Variants in SPATA31H1 observed in about 807,000 individuals in gnomAD.
SPATA31H1 encodes the protein SPATA31 subfamily H member 1.
chr2:27,556,794 G>C, the SPATA31H1 span, among the ~76,000 whole-genome samples: 2 of 124,844 alleles, frequency 1.6e-5, no homozygotes, highest in Non-Finnish European at 3.3e-5. Flanking sequence ...GTGGAGGGAA[G>C]GTCAGCAGAT....
chr2:27,540,690 AC>A, the SPATA31H1 span, among the ~76,000 whole-genome samples: 2 of 134,662 alleles, frequency 1.5e-5, no homozygotes, highest in East Asian at 4.7e-4. Context: ...CCGGGCAGAG[AC>A]GCTCCTCACC....
At chr2:27,558,858 C>T in the SPATA31H1 span, among the ~76,000 whole-genome samples, 1 of 106,334 alleles carries the variant, frequency 9.4e-6, no homozygotes, top group African/African-American at 3.6e-5. Flanking sequence ...GCAGTACCGT[C>T]CAGCCTTGGC....
At chr2:27,539,933 C>A in the SPATA31H1 span, among the ~76,000 whole-genome samples, 1 of 124,254 alleles carries the variant, frequency 8.0e-6, no homozygotes, top group East Asian at 3.1e-4. Flanking sequence ...CCCCCCACCT[C>A]CCTCCCGGAC....
chr2:27,558,917 G>GGGAGGA, the SPATA31H1 span, among the ~76,000 whole-genome samples: 1 of 66,474 alleles, frequency 1.5e-5, no homozygotes, highest in Admixed American at 2.3e-4. Context: ...GAGAGGGAGA[G>GGGAGGA]GGAGGGGGAG....
the SPATA31H1 span, chr2:27,579,094 A>G: frequency 6.2e-7 from 1 of 1,614,218 alleles, no homozygotes; most frequent in Non-Finnish European, 8.5e-7. Context: ...CTTCAGAGAC[A>G]TCTACCACAA....
At chr2:27,577,180 T>A in the SPATA31H1 span, 2 of 1,613,954 alleles carry the variant, frequency 1.2e-6, no homozygotes, top group East Asian at 4.5e-5. The surrounding 1 kb of genome is among the most constrained non-coding windows in gnomAD (Gnocchi z 4.5). Context: ...GATCTTCAGG[T>A]ACCAAAATTT....
At chr2:27,577,207 T>A in the SPATA31H1 span, 6 of 1,613,788 alleles carry the variant, frequency 3.7e-6, no homozygotes, top group East Asian at 1.3e-4. This position sits in a 1 kb window ranked among gnomAD's most constrained non-coding sequence, Gnocchi z 4.5. Context: ...CTGACTCCAA[T>A]GGTAAGGGAT....
the SPATA31H1 span, chr2:27,577,606 A>C: frequency 6.2e-7 from 1 of 1,614,036 alleles, no homozygotes; most frequent in African/African-American, 1.3e-5. This position sits in a 1 kb window ranked among gnomAD's most constrained non-coding sequence, Gnocchi z 4.5. Flanking sequence ...CACGTCCCAG[A>C]TTCTGCTTCA....
chr2:27,579,117 C>G, the SPATA31H1 span: 2 of 1,614,138 alleles, frequency 1.2e-6, no homozygotes, highest in South Asian at 2.2e-5. Context: ...CTGGAGATCA[C>G]GATCTAGGAC....
At chr2:27,582,631 C>A in the SPATA31H1 span, 2 of 1,178,158 alleles carry the variant, frequency 1.7e-6, no homozygotes, top group South Asian at 1.5e-5. Context: ...GCGCCCCCAG[C>A]GTGGAAAGGC....
the SPATA31H1 span, among the ~76,000 whole-genome samples, chr2:27,565,154 T>C: frequency 6.6e-6 from 1 of 152,236 alleles, no homozygotes; most frequent in African/African-American, 2.4e-5. Context: ...CACCGTCCTC[T>C]ATATTCCCTG....
the SPATA31H1 span, chr2:27,570,544 G>A: frequency 2.5e-6 from 1 of 398,920 alleles, no homozygotes; most frequent in Non-Finnish European, 4.4e-6. Flanking sequence ...GGAACTCAAA[G>A]TATGAAACAG....
chr2:27,580,819 C>T, the SPATA31H1 span: 59 of 1,614,050 alleles, frequency 3.7e-5, no homozygotes, highest in East Asian at 9.6e-4. Context: ...GACAAGCTAA[C>T]GCCAGCAGGC....
chr2:27,544,790 C>T, the SPATA31H1 span, among the ~76,000 whole-genome samples: 2 of 151,274 alleles, frequency 1.3e-5, no homozygotes, highest in Non-Finnish European at 2.9e-5. Flanking sequence ...TCAGGTGATC[C>T]GCCCACCTCA....
the SPATA31H1 span, chr2:27,577,641 C>T: frequency 3.7e-6 from 6 of 1,614,052 alleles, no homozygotes; most frequent in Non-Finnish European, 5.1e-6. The surrounding 1 kb of genome is among the most constrained non-coding windows in gnomAD (Gnocchi z 4.5). Flanking sequence ...GTTAGGACAT[C>T]GAGTTCCTGA....
At chr2:27,546,314 C>A in the SPATA31H1 span, among the ~76,000 whole-genome samples, 2 of 151,852 alleles carry the variant, frequency 1.3e-5, no homozygotes, top group Non-Finnish European at 2.9e-5. Context: ...CTTCTAGAAC[C>A]CTTATTTTTT....
At chr2:27,579,764 A>G in the SPATA31H1 span, 1 of 1,614,200 alleles carries the variant, frequency 6.2e-7, no homozygotes, top group Non-Finnish European at 8.5e-7. Flanking sequence ...CTGAGTCCCA[A>G]CACTCCCTCA....
the SPATA31H1 span, among the ~76,000 whole-genome samples, chr2:27,542,539 A>G: frequency 6.6e-6 from 1 of 152,000 alleles, no homozygotes; most frequent in Non-Finnish European, 1.5e-5. Context: ...AGAATATTTG[A>G]TATAGATGAT....
At chr2:27,581,761 C>T in the SPATA31H1 span, 1 of 1,613,122 alleles carries the variant, frequency 6.2e-7, no homozygotes, top group Non-Finnish European at 8.5e-7. Flanking sequence ...CGCAGTCCCT[C>T]AGAGAGAAGC....
Sources: allele counts gnomAD v4.1 joint callset (sites outside exome capture counted in the v4.1 genomes callset), GRCh38; gene constraint gnomAD v4.1.1; non-coding constraint Gnocchi (gnomAD v3.1); transcripts MANE v1.5; gene names NCBI Gene and HGNC (gene_info 2026-07-23, HGNC 2026-07-21).